Variants in PRR11 observed in about 807,000 individuals in gnomAD.
PRR11 encodes proline-rich protein 11.
In PRR11, 30 loss-of-function variants were observed where a neutral mutation model predicts 45.6. The observed-to-expected ratio is 0.66, with a 90% CI of 0.49 to 0.89. The LOEUF is 0.89. Among genes scored for constraint, PRR11 ranks in the 40% least tolerant of loss-of-function variants. The pLI, the probability that PRR11 is intolerant of heterozygous loss-of-function variation, is 0.00. For missense variants in PRR11, 373 were observed against 424.8 expected (o/e 0.88, Z 1.07); for synonymous variants, 128 against 153.5 (o/e 0.83, Z 1.23).
intron 2 of PRR11, among the ~76,000 whole-genome samples, chr17:59,173,865 C>T (rs1160633859): frequency 6.6e-6 from 1 of 152,098 alleles, no homozygotes; most frequent in Non-Finnish European, 1.5e-5. Context: ...CTGTCATTAG[C>T]AATGGAATAA....
chr17:59,169,859 C>T lies in PRR11; in HGVS notation c.107C>T (p.Pro36Leu). ...CAGTCCAAGCTAATTACACCTCCTC[C>T]TCCACCACCCTCACCAGAAAGGTAA... is the stretch of plus-strand genomic sequence containing the variant. ...HFQSKLITPP[P>L]PPPSPERVGI... Residue 36 changes from proline to leucine, a missense_variant, in exon 2 of 10, where the codon CCT becomes CTT. Coordinates refer to ENST00000262293, the MANE Select transcript of PRR11 (RefSeq NM_018304.4). 2 of 1,604,788 alleles carry T rather than the reference C, an allele frequency of 1.2e-6. No individual in the cohort carries two copies.
At chr17:59,175,755 A>G (rs2046741298) in intron 2 of PRR11, among the ~76,000 whole-genome samples, 1 of 152,098 alleles carries the variant, frequency 6.6e-6, no homozygotes, top group African/African-American at 2.4e-5. Flanking sequence ...AAATAAATAA[A>G]TAACTGTCCA....
At chr17:59,194,396 C>G (rs1335651281) in intron 5 of PRR11, among the ~76,000 whole-genome samples, 2 of 151,962 alleles carry the variant, frequency 1.3e-5, no homozygotes, top group African/African-American at 4.8e-5. Flanking sequence ...AGTCATCTTT[C>G]TAGGTAATTC....
chr17:59,194,520 AG>A (rs1369968548), intron 5 of PRR11, among the ~76,000 whole-genome samples: 1 of 152,154 alleles, frequency 6.6e-6, no homozygotes, highest in Non-Finnish European at 1.5e-5. Context: ...TTGTTAGCAA[AG>A]TCTTAGCTTA....
chr17:59,198,035 G>A (rs561074903), intron 9 of PRR11, among the ~76,000 whole-genome samples: 1 of 152,130 alleles, frequency 6.6e-6, no homozygotes, highest in South Asian at 2.1e-4. Context: ...GATCACTTGA[G>A]CCCAGGAGGT....
At chr17:59,180,810 G>C (rs2046781196) in intron 2 of PRR11, among the ~76,000 whole-genome samples, 1 of 149,860 alleles carries the variant, frequency 6.7e-6, no homozygotes, top group South Asian at 2.1e-4. Flanking sequence ...CCGGCCTTTG[G>C]TTTTCTTTTG....
At chr17:59,181,928 C>T in intron 2 of PRR11, 3 of 1,125,722 alleles carry the variant, frequency 2.7e-6, no homozygotes, top group Middle Eastern at 6.3e-4. Flanking sequence ...TTCCCCTCCC[C>T]ATTCTTCCGT....
chr17:59,197,656 T>C, intron 8 of PRR11, 37 bp from the exon 9 acceptor site: 1 of 1,611,646 alleles, frequency 6.2e-7, no homozygotes, highest in African/African-American at 1.3e-5. Flanking sequence ...AAAGTTGCCA[T>C]AAAATACAGC....
intron 4 of PRR11, among the ~76,000 whole-genome samples, chr17:59,189,927 C>T (rs910827316): frequency 3.3e-5 from 5 of 152,028 alleles, no homozygotes; most frequent in Non-Finnish European, 5.9e-5. Flanking sequence ...TCAGGACACT[C>T]CAGCCCACTG....
Position 59,202,584 on chromosome 17 carries a change from A to T in PRR11, c.*953A>T, listed in dbSNP as rs1237391234. ...TCTCTAAAAATTAAAAAAAAAATTTAAATTAGAATATCATTTCTAGCATCT... is the reference window on the plus strand; with the variant it reads ...TCTCTAAAAATTAAAAAAAAAATTTTAATTAGAATATCATTTCTAGCATCT... On this transcript the variant is annotated 3_prime_UTR_variant, in exon 10 of 10. Coordinates refer to ENST00000262293, the MANE Select transcript of PRR11 (RefSeq NM_018304.4). The T allele has an allele frequency of 6.6e-6, 1 of 152,192 alleles. No homozygotes were observed. The allele number at this position is 152,192 out of a possible 1,614,324, so 9.4% of individuals were successfully genotyped here.
At chr17:59,169,946 AT>A in intron 2 of PRR11, 66 bp downstream of exon 2, 1 of 1,497,028 alleles carries the variant, frequency 6.7e-7, no homozygotes, top group Non-Finnish European at 8.9e-7. Context: ...AGAGTTTCAG[AT>A]TTAGCAAATA....
chr17:59,164,765 G>A (rs1326490852), intron 1 of PRR11, among the ~76,000 whole-genome samples: 2 of 151,790 alleles, frequency 1.3e-5, no homozygotes, highest in Admixed American at 1.3e-4. Flanking sequence ...TGTAATCCCA[G>A]CTACTCCGGA....
At chr17:59,195,020 A>G (rs900566980) in intron 6 of PRR11, among the ~76,000 whole-genome samples, 165 bp downstream of exon 6, 5 of 152,188 alleles carry the variant, frequency 3.3e-5, no homozygotes, top group Admixed American at 1.3e-4. Flanking sequence ...TTTGTATACA[A>G]TTGGGGTCGG....
intron 2 of PRR11, chr17:59,179,808 A>G (rs1941785235): frequency 7.4e-7 from 1 of 1,355,810 alleles, no homozygotes; most frequent in South Asian, 1.2e-5. Context: ...GACTCCTCAG[A>G]TTCGTCCGAC....
intron 1 of PRR11, among the ~76,000 whole-genome samples, chr17:59,156,656 C>CTTT (rs869165501): frequency 1.4e-5 from 2 of 142,240 alleles, no homozygotes; most frequent in African/African-American, 5.1e-5. Flanking sequence ...CTCTTTCTTT[C>CTTT]TTTTTTTTTT....
intron 1 of PRR11, among the ~76,000 whole-genome samples, chr17:59,162,730 T>C (rs1049728908): frequency 1.0e-4 from 15 of 149,658 alleles, no homozygotes; most frequent in Non-Finnish European, 1.5e-5. Context: ...CTCTCCCTTT[T>C]TTTTTTTTTT....
chr17:59,174,787 G>A (rs766378550), intron 2 of PRR11, among the ~76,000 whole-genome samples: 19 of 152,116 alleles, frequency 1.2e-4, no homozygotes, highest in Non-Finnish European at 1.6e-4. Context: ...TCTAGGAAAC[G>A]CGGTGCGATC....
intron 1 of PRR11, among the ~76,000 whole-genome samples, chr17:59,164,862 G>C (rs1316234352): frequency 6.6e-6 from 1 of 150,664 alleles, no homozygotes; most frequent in African/African-American, 2.4e-5. Flanking sequence ...CTGCACGACA[G>C]AGCAAGACCG....
chr17:59,180,801 C>T lies in PRR11; in HGVS notation c.129-4253C>T, dbSNP rs574991540. 1.9e-4 allele frequency among the ~76,000 whole-genome samples: 29 copies of T among 151,508 alleles called. 2 individuals are homozygous for T. The highest frequency in any genetic ancestry group is 5.9e-4 in the African/African-American group (24 of 40,972). On this transcript the variant is annotated intron_variant, in intron 2 of 9. Coordinates refer to ENST00000262293, the MANE Select transcript of PRR11 (RefSeq NM_018304.4). The stretch of plus-strand genomic sequence containing the variant: ...GATTACAGACATGAGCTACTGCGCC[C>T]GGCCTTTGGTTTTCTTTTGAAACAG...
Sources: gnomAD v4.1 joint callset for allele counts (sites outside exome capture counted in the v4.1 genomes callset) on GRCh38, gnomAD v4.1.1 for gene constraint, MANE v1.5 for transcripts, NCBI Gene and HGNC (gene_info 2026-07-23, HGNC 2026-07-21) for gene names.